The following SUN5 variants were observed in gnomAD, a reference collection of about 807,000 sequenced individuals.
SUN5 encodes Sad1 and UNC84 domain containing 5, also known as SUN domain-containing protein 5.
In SUN5, 44 loss-of-function variants were observed where a neutral mutation model predicts 53.7. The ratio of observed to expected loss-of-function variants is 0.82; its 90% CI spans 0.64 to 1.05. The LOEUF (loss-of-function observed/expected upper bound fraction) is 1.05. Among genes scored for constraint, SUN5 ranks in the 50% least tolerant of loss-of-function variants. The probability of loss-of-function intolerance (pLI) is 0.00; values close to 1 mark genes in which losing one functional copy is unlikely to be tolerated. For synonymous variants in SUN5, 166 were observed against 179.8 expected (o/e 0.92, Z 0.62); for missense variants, 433 against 483.8 (o/e 0.90, Z 0.98).
At chr20:32,991,611 C>G (rs1380260907) in intron 8 of SUN5, among the ~76,000 whole-genome samples, 1 of 152,238 alleles carries the variant, frequency 6.6e-6, no homozygotes, top group Non-Finnish European at 1.5e-5. Flanking sequence ...AAGAGCCTCA[C>G]TTGACAGTGA....
intron 10 of SUN5, among the ~76,000 whole-genome samples, chr20:32,986,315 T>C (rs1989538204): frequency 6.6e-6 from 1 of 152,212 alleles, no homozygotes; most frequent in African/African-American, 2.4e-5. Context: ...GGACAATGAC[T>C]GGTCCAGGGC....
intron 8 of SUN5, among the ~76,000 whole-genome samples, chr20:32,992,158 C>G (rs1299821699): frequency 6.6e-6 from 1 of 152,190 alleles, no homozygotes; most frequent in Non-Finnish European, 1.5e-5. Flanking sequence ...TTGTCCTACA[C>G]CTTGTAGGAT....
chr20:32,988,373 G>A (rs540342477), intron 9 of SUN5, among the ~76,000 whole-genome samples: 1 of 152,038 alleles, frequency 6.6e-6, no homozygotes, highest in Non-Finnish European at 1.5e-5. Flanking sequence ...TTTGCGTTGG[G>A]GGCAGCCTGC....
chr20:32,995,403 C>T (rs1169684454), intron 8 of SUN5, among the ~76,000 whole-genome samples: 1 of 152,192 alleles, frequency 6.6e-6, no homozygotes, highest in African/African-American at 2.4e-5. Flanking sequence ...ATTCTGTACC[C>T]AGCCAAACTA....
chr20:33,003,478 C>G (rs1015904320), intron 1 of SUN5, among the ~76,000 whole-genome samples: 2 of 152,110 alleles, frequency 1.3e-5, no homozygotes, highest in African/African-American at 2.4e-5. Flanking sequence ...GCTAAAAGAG[C>G]AGAATGATGA....
chr20:32,997,495 TG>T (rs1033632000), intron 6 of SUN5, 142 bp downstream of exon 6: 2 of 778,058 alleles, frequency 2.6e-6, no homozygotes, highest in Admixed American at 5.6e-5. Flanking sequence ...GATGGTACGA[TG>T]AAGGGTGAGA....
At chr20:32,987,856 G>A (rs1318227560) in intron 9 of SUN5, 81 bp from the exon 10 acceptor site, 1 of 1,133,940 alleles carries the variant, frequency 8.8e-7, no homozygotes. Flanking sequence ...CCCTGACTAT[G>A]TGCCGGGCGA....
intron 7 of SUN5, 79 bp downstream of exon 7, chr20:32,996,245 T>C (rs1435362142): frequency 2.1e-6 from 3 of 1,448,144 alleles, no homozygotes; most frequent in Non-Finnish European, 2.9e-6. Context: ...AGCCTATATT[T>C]GTAGCCAATA....
intron 9 of SUN5, among the ~76,000 whole-genome samples, chr20:32,988,355 G>C (rs1989606988): frequency 6.6e-6 from 1 of 152,142 alleles, no homozygotes; most frequent in South Asian, 2.1e-4. Flanking sequence ...GGTGCTGCCT[G>C]GTAGGGGTTT....
chr20:33,001,366 A>G (rs1990003746), intron 3 of SUN5, 88 bp from the exon 4 acceptor site: 16 of 1,459,468 alleles, frequency 1.1e-5, no homozygotes, highest in Non-Finnish European at 1.5e-5. Flanking sequence ...GGGCTGGGGG[A>G]GGCCCTGGAG....
intron 9 of SUN5, among the ~76,000 whole-genome samples, chr20:32,988,481 C>T (rs915288548): frequency 6.6e-6 from 1 of 152,220 alleles, no homozygotes; most frequent in Non-Finnish European, 1.5e-5. Context: ...CTCACCAAGT[C>T]TCAGCCCAAA....
Position 33,002,933 on chromosome 20 carries a change from G to A in SUN5, c.78-14C>T, listed in dbSNP as rs1430712118. 3.1e-6 allele frequency: 5 copies of A among 1,613,860 alleles called. No homozygotes were observed. Among genetic ancestry groups the A allele is most frequent in the Non-Finnish European group, 4.2e-6 (5 of 1,179,906 alleles). On this transcript the variant is annotated splice_polypyrimidine_tract_variant and intron_variant, in intron 1 of 12. Coordinates refer to ENST00000356173, the MANE Select transcript of SUN5 (RefSeq NM_080675.4). The stretch of plus-strand genomic sequence containing the variant: ...CGCTGGGCAATCCTGGGGATGATAA[G>A]ATTCATAGTCGCATTTTACAATTAT...
At chr20:32,997,614 G>C in intron 6 of SUN5, 24 bp downstream of exon 6, 1 of 1,613,578 alleles carries the variant, frequency 6.2e-7, no homozygotes, top group Non-Finnish European at 8.5e-7. Context: ...TCAGCTGTGG[G>C]GCCTGAGGAG....
At chr20:32,996,919 G>T (rs6059000) in intron 6 of SUN5, among the ~76,000 whole-genome samples, 92,949 of 152,022 alleles carry the variant, frequency 0.61, 29,586 homozygotes, top group East Asian at 0.98. Context: ...CATCCAACAT[G>T]GATAGTGGCA....
chr20:32,987,760 A>G lies in SUN5; in HGVS notation c.629T>C (p.Phe210Ser). 6.2e-7 allele frequency: 1 copy of G among 1,612,630 alleles called. No homozygotes were observed. Among genetic ancestry groups the G allele is most frequent in the Admixed American group, 1.7e-5 (1 of 59,900 alleles). ...GTTATAGGTGACTGACGTGTGCTCA[A>G]AGTCAATGCTGGCCCCTGTATAGGA... ...ALKSIGASID[F>S]EHTSVTYNHE... is the part of the protein sequence containing the mutation. Residue 210 changes from phenylalanine (F) to serine (S), a missense_variant, in exon 10 of 13, where the codon TTT becomes TCT. Physicochemically the swap from Phe to Ser is radical, Grantham distance 155 (BLOSUM62 -2). Transcript: ENST00000356173.
At position 32,985,904 on chromosome 20, in the gene SUN5, C is replaced by T; in HGVS notation, c.730-1G>A. On this transcript the variant is annotated splice_acceptor_variant, in intron 10 of 12. Transcript: ENST00000356173. LOFTEE classifies it high-confidence loss of function. ...AGCAATTGCCAGGTGTCACGTTGGG[C>T]TAGAAGAGGCAAGTACAATAAGGGA... The T allele has an allele frequency of 6.2e-7, 1 of 1,613,254 alleles. No individual in the cohort carries two copies. The highest frequency in any genetic ancestry group is 8.5e-7 in the Non-Finnish European group (1 of 1,179,488).
At chr20:32,988,576 T>TA (rs1989613056) in intron 9 of SUN5, among the ~76,000 whole-genome samples, 1 of 150,550 alleles carries the variant, frequency 6.6e-6, no homozygotes, top group Non-Finnish European at 1.5e-5. Flanking sequence ...CTGATTATTA[T>TA]TTTATTTATT....
rs745834124 is a variant in SUN5 at position 32,987,683 on chromosome 20, G to A, written c.706C>T (p.Gln236Ter). Residue 236 changes from glutamine to a stop codon, truncating the protein, a stop_gained, in exon 10 of 13, where the codon CAG (glutamine) becomes TAG (stop). Transcript: ENST00000356173. LOFTEE classifies it high-confidence loss of function. ...WNWIQLWNYA[Q>*]PPDVILEPNV... Reference sequence around the variant, plus strand: ...GCCTCAAGGATCACGTCTGGGGGCTGTGCGTAGTTCCACAGCTGGATCCAG... The same window carrying A: ...GCCTCAAGGATCACGTCTGGGGGCTATGCGTAGTTCCACAGCTGGATCCAG... 2 of 1,612,324 alleles carry A rather than the reference G, an allele frequency of 1.2e-6. No homozygotes were observed. The highest frequency in any genetic ancestry group is 3.3e-5 in the Admixed American group (2 of 59,806).
At chr20:32,987,572 A>C (rs1163913127) in intron 10 of SUN5, 88 bp downstream of exon 10, 1,811 of 249,886 alleles carry the variant, frequency 7.2e-3, no homozygotes, top group South Asian at 0.048. Flanking sequence ...CTTTGCTCCC[A>C]CCCCCTACCT....
Sources: allele counts gnomAD v4.1 joint callset (sites outside exome capture counted in the v4.1 genomes callset), GRCh38; gene constraint gnomAD v4.1.1; transcripts MANE v1.5; gene names NCBI Gene and HGNC (gene_info 2026-07-23, HGNC 2026-07-21).